The following EBF2 variants were observed in gnomAD, a reference collection of about 807,000 sequenced individuals.
EBF2 encodes transcription factor COE2.
In EBF2, 21 loss-of-function variants were observed where a neutral mutation model predicts 72.8. The ratio of observed to expected loss-of-function variants is 0.29; its 90% CI spans 0.20 to 0.42. The LOEUF (loss-of-function observed/expected upper bound fraction) is 0.42, where lower values mean the gene tolerates loss of function less well. Ranked by LOEUF, EBF2 falls within the 10% of genes least tolerant of loss-of-function variation. The probability of loss-of-function intolerance (pLI) is 1.00; values close to 1 mark genes in which losing one functional copy is unlikely to be tolerated. For synonymous variants in EBF2, 299 were observed against 274.2 expected, an observed-to-expected ratio of 1.09 and a Z score of -0.89; for missense variants, 637 against 731.2, an observed-to-expected ratio of 0.87 and a Z score of 1.49.
intron 6 of EBF2, chr8:26,031,906 A>G (rs1343632719): frequency 4.6e-5 from 7 of 152,304 alleles, no homozygotes; most frequent in Non-Finnish European, 1.0e-4. Flanking sequence ...TACTTTCAAA[A>G]AAGACCAGAG....
Position 25,922,997 on chromosome 8 carries a change from C to T in EBF2, c.552-14442G>A, listed in dbSNP as rs1803330009. The stretch of plus-strand genomic sequence containing the variant: ...CATCCGTTGGAGAATCAGCAGCTGA[C>T]CTGGAAGTAAAACATCTCAGCCCTT... On this transcript the variant is annotated intron_variant, in intron 6 of 15. Transcript: ENST00000520164. 3.3e-5 allele frequency among the ~76,000 whole-genome samples: 5 copies of T among 151,750 alleles called. No homozygotes were observed. In the South Asian group the frequency reaches 1.0e-3, roughly 32 times the overall value.
intron 6 of EBF2, among the ~76,000 whole-genome samples, chr8:25,971,739 T>A (rs1321780437): frequency 6.6e-6 from 1 of 152,214 alleles, no homozygotes; most frequent in African/African-American, 2.4e-5. Context: ...TTGTGTTTTT[T>A]TTTCCTCGAG....
intron 10 of EBF2, among the ~76,000 whole-genome samples, chr8:25,866,578 ATAAT>A (rs1802324369): frequency 7.1e-6 from 1 of 140,260 alleles, no homozygotes; most frequent in South Asian, 2.1e-4. Context: ...ATTTATATAT[ATAAT>A]AATTTTTATA....
intron 6 of EBF2, among the ~76,000 whole-genome samples, chr8:25,951,635 C>T (rs968041275): frequency 6.6e-6 from 1 of 152,194 alleles, no homozygotes; most frequent in African/African-American, 2.4e-5. Context: ...ACACACTTAG[C>T]TAGGGCAAAG....
At chr8:25,845,441 G>A (rs1475733583) in intron 15 of EBF2, among the ~76,000 whole-genome samples, 1 of 152,174 alleles carries the variant, frequency 6.6e-6, no homozygotes, top group Non-Finnish European at 1.5e-5. Flanking sequence ...GGCCAGGCTG[G>A]TCTTGAACTC....
chr8:25,846,741 A>G (rs1183021307), intron 15 of EBF2, among the ~76,000 whole-genome samples: 1 of 152,280 alleles, frequency 6.6e-6, no homozygotes, highest in African/African-American at 2.4e-5. Flanking sequence ...GAGAGATACC[A>G]AAGGGGCTCA....
At chr8:25,935,441 A>C (rs958695842) in intron 6 of EBF2, among the ~76,000 whole-genome samples, 2 of 152,216 alleles carry the variant, frequency 1.3e-5, no homozygotes, top group African/African-American at 4.8e-5. Flanking sequence ...GTGGAATGCC[A>C]GCGGCAGTGG....
chr8:25,999,153 C>A (rs931269910), intron 6 of EBF2, among the ~76,000 whole-genome samples: 5 of 152,096 alleles, frequency 3.3e-5, no homozygotes, highest in African/African-American at 1.2e-4. Context: ...ACCCAATAGG[C>A]CCTTGAGAAG....
At chr8:26,037,665 T>C (rs1805525255) in intron 5 of EBF2, among the ~76,000 whole-genome samples, 1 of 152,200 alleles carries the variant, frequency 6.6e-6, no homozygotes, top group African/African-American at 2.4e-5. Flanking sequence ...TTGAGACGAC[T>C]TCTGTTCAAA....
At chr8:25,998,641 A>C (rs184746274) in intron 6 of EBF2, among the ~76,000 whole-genome samples, 1 of 152,282 alleles carries the variant, frequency 6.6e-6, no homozygotes, top group East Asian at 1.9e-4. Flanking sequence ...ATGTCATTTT[A>C]TGACTCCCTG....
intron 10 of EBF2, among the ~76,000 whole-genome samples, chr8:25,873,168 T>C (rs1802469851): frequency 6.6e-6 from 1 of 152,210 alleles, no homozygotes; most frequent in South Asian, 2.1e-4. Context: ...GATGGTGTGA[T>C]GGGATAAAGC....
chr8:26,040,151 G>A (rs760410456), intron 4 of EBF2, 50 bp from the exon 5 acceptor site: 3 of 1,573,340 alleles, frequency 1.9e-6, no homozygotes, highest in African/African-American at 2.7e-5. Context: ...GGGGTGGGGG[G>A]CAAGGAAAGA....
chr8:25,982,912 A>G (rs753993619), intron 6 of EBF2, among the ~76,000 whole-genome samples: 4 of 151,200 alleles, frequency 2.6e-5, no homozygotes, highest in Non-Finnish European at 5.9e-5. Context: ...ATATATCTTT[A>G]TATATTATGT....
At chr8:26,015,256 G>A (rs1805090209) in intron 6 of EBF2, among the ~76,000 whole-genome samples, 1 of 152,192 alleles carries the variant, frequency 6.6e-6, no homozygotes, top group Non-Finnish European at 1.5e-5. Flanking sequence ...ATGACTTCCA[G>A]AAGTCACTGC....
chr8:25,865,056 C>T (rs1349449405), intron 10 of EBF2, among the ~76,000 whole-genome samples: 1 of 152,126 alleles, frequency 6.6e-6, no homozygotes, highest in Non-Finnish European at 1.5e-5. Flanking sequence ...CTGCCTCGGC[C>T]TCACAAAGTG....
intron 6 of EBF2, among the ~76,000 whole-genome samples, chr8:26,018,004 G>A (rs9657289): frequency 0.017 from 2,557 of 151,940 alleles, 75 homozygotes; most frequent in African/African-American, 0.057. Context: ...GTTTGTTAAC[G>A]ATAAGGCAAT....
chr8:26,025,121 G>T (rs754636112), intron 6 of EBF2, among the ~76,000 whole-genome samples: 1 of 152,068 alleles, frequency 6.6e-6, no homozygotes, highest in Non-Finnish European at 1.5e-5. Context: ...TGCTTGTGGT[G>T]GGTATTCCAG....
chr8:25,864,893 G>C (rs374569853), intron 10 of EBF2, among the ~76,000 whole-genome samples: 15 of 151,754 alleles, frequency 9.9e-5, no homozygotes, highest in East Asian at 9.7e-4. Context: ...CACTGCCCGG[G>C]TTCAAGCGAT....
intron 6 of EBF2, among the ~76,000 whole-genome samples, chr8:25,935,443 C>G (rs939949420): frequency 1.3e-5 from 2 of 152,140 alleles, no homozygotes; most frequent in Admixed American, 1.3e-4. Context: ...GGAATGCCAG[C>G]GGCAGTGGCT....
Sources: gnomAD v4.1 joint callset for allele counts (sites outside exome capture counted in the v4.1 genomes callset) on GRCh38, gnomAD v4.1.1 for gene constraint, MANE v1.5 for transcripts, NCBI Gene and HGNC (gene_info 2026-07-23, HGNC 2026-07-21) for gene names.